DNAJC6: variants seen among roughly 807,000 people sequenced by gnomAD.
DNAJC6 encodes the protein DnaJ heat shock protein family (Hsp40) member C6, also known as auxilin.
DNAJC6 carries 34 observed loss-of-function variants against 110.0 expected under a neutral mutation model. That is an observed-to-expected ratio of 0.31 (90% CI 0.24 to 0.41). DNAJC6 has a LOEUF of 0.41. Among genes scored for constraint, DNAJC6 ranks in the 10% least tolerant of loss-of-function variants. DNAJC6 has a pLI of 1.00. For missense variants in DNAJC6, 1,031 were observed against 1,207.8 expected (o/e 0.85, Z 2.17); for synonymous variants, 406 against 437.2 (o/e 0.93, Z 0.89).
At chr1:65,359,860 C>T (rs541839329) in intron 1 of DNAJC6, among the ~76,000 whole-genome samples, 60 of 152,184 alleles carry the variant, frequency 3.9e-4, no homozygotes, top group Non-Finnish European at 7.5e-4. Context: ...TACTTTACTT[C>T]TGGACATTGA....
At chr1:65,396,180 A>G (rs1181931907) in intron 13 of DNAJC6, among the ~76,000 whole-genome samples, 2 of 152,196 alleles carry the variant, frequency 1.3e-5, no homozygotes, top group Non-Finnish European at 2.9e-5. Flanking sequence ...CCTCAGGACA[A>G]TATACAAGAA....
chr1:65,364,733 T>A lies in DNAJC6; in HGVS notation c.292T>A (p.Leu98Met), dbSNP rs74486665. 2 of 1,612,926 alleles carry A rather than the reference T, an allele frequency of 1.2e-6. No individual in the cohort carries two copies. The highest frequency in any genetic ancestry group is 1.7e-6 in the Non-Finnish European group (2 of 1,179,518). The change falls in exon 2 of 19, where the codon TTG becomes ATG. Residue 98 changes from leucine to methionine, a missense_variant. Physicochemically the swap from Leu to Met is conservative, Grantham distance 15. Transcript: ENST00000371069. Reference sequence around the variant, plus strand: ...GCTCTTTAGTAACCTAAAGGACAACTTGAAAGACACCCTCAAAGACACATC... The same window carrying A: ...GCTCTTTAGTAACCTAAAGGACAACATGAAAGACACCCTCAAAGACACATC... The part of the protein sequence containing the change: ...GRLFSNLKDN[L>M]KDTLKDTSSR...
At chr1:65,362,169 C>T (rs1645604213) in intron 1 of DNAJC6, among the ~76,000 whole-genome samples, 1 of 17,638 alleles carries the variant, frequency 5.7e-5, no homozygotes, top group African/African-American at 1.3e-3. Flanking sequence ...CCTGGGTTCA[C>T]TAGCTTGTAT....
chr1:65,281,116 G>A (rs1300139963), intron 1 of DNAJC6, among the ~76,000 whole-genome samples: 1 of 151,834 alleles, frequency 6.6e-6, no homozygotes, highest in Non-Finnish European at 1.5e-5. Context: ...TAGTAGAGAC[G>A]GGCTTTCACC....
Position 65,340,946 on chromosome 1 carries a change from G to C in DNAJC6, c.194-23689G>C, listed in dbSNP as rs568863638. On this transcript the variant is annotated intron_variant, in intron 1 of 18. Coordinates refer to ENST00000371069, the MANE Select transcript of DNAJC6 (RefSeq NM_001256864.2). ...GCATTTTTTAAAACAGGCACCCCAGGCTATTCTGATGCGTAGCCTGGTACC... is the reference window on the plus strand; with the variant it reads ...GCATTTTTTAAAACAGGCACCCCAGCCTATTCTGATGCGTAGCCTGGTACC... Among the ~76,000 whole-genome samples, 5 of 152,258 alleles carry C rather than the reference G, an allele frequency of 3.3e-5. No homozygotes were observed. In the Middle Eastern group the frequency reaches 0.01, roughly 311 times the overall value.
chr1:65,304,484 A>T (rs887707592), intron 1 of DNAJC6, among the ~76,000 whole-genome samples: 3 of 152,216 alleles, frequency 2.0e-5, no homozygotes, highest in African/African-American at 4.8e-5. Flanking sequence ...TAGCACTTAA[A>T]TGACTATGGT....
intron 1 of DNAJC6, among the ~76,000 whole-genome samples, chr1:65,274,941 A>G (rs1653619446): frequency 6.6e-6 from 1 of 152,026 alleles, no homozygotes; most frequent in Non-Finnish European, 1.5e-5. Flanking sequence ...TGTGCAAGTG[A>G]TTACCCCAGT....
intron 1 of DNAJC6, among the ~76,000 whole-genome samples, chr1:65,345,047 A>G (rs1645424421): frequency 6.6e-6 from 1 of 152,200 alleles, no homozygotes; most frequent in Admixed American, 6.5e-5. Flanking sequence ...TTGTAAATGT[A>G]ACAGACAGTG....
At chr1:65,298,548 C>T (rs1046804554) in intron 1 of DNAJC6, among the ~76,000 whole-genome samples, 37 of 151,428 alleles carry the variant, frequency 2.4e-4, no homozygotes, top group African/African-American at 4.9e-4. Context: ...ATTTGCTTAA[C>T]GGTAGTAGTT....
intron 1 of DNAJC6, among the ~76,000 whole-genome samples, chr1:65,296,347 T>C (rs1644928257): frequency 6.6e-6 from 1 of 152,176 alleles, no homozygotes; most frequent in Non-Finnish European, 1.5e-5. Context: ...AAATGGAAAG[T>C]AGAAGTAAGT....
In DNAJC6 at chr1:65,384,507, A is replaced by G. The variant is rs558446711; in HGVS notation, c.800+181A>G. ...GTAATTTATAAAGAAAAAGAGTTTC[A>G]ATGGATTCACAGTTCCACATGGCTG... On this transcript the variant is annotated intron_variant, in intron 6 of 18. Transcript: ENST00000371069. Among the ~76,000 whole-genome samples the G allele has an allele frequency of 2.0e-5, 3 of 152,362 alleles. No homozygotes were observed. The South Asian group carries it at 6.2e-4, about 32-fold the overall frequency.
At chr1:65,311,213 C>CTTTTTT (rs1278871536) in intron 1 of DNAJC6, among the ~76,000 whole-genome samples, 2 of 69,744 alleles carry the variant, frequency 2.9e-5, no homozygotes, top group African/African-American at 5.5e-5. Context: ...GGTTTCAGGA[C>CTTTTTT]TGTTTTTTTT....
intron 1 of DNAJC6, among the ~76,000 whole-genome samples, chr1:65,355,208 A>G (rs1321320598): frequency 6.8e-6 from 1 of 147,070 alleles, no homozygotes; most frequent in Non-Finnish European, 1.5e-5. Context: ...GGTTGCAGTG[A>G]GCCAAGATTG....
At chr1:65,303,201 ATACT>A (rs1407275176) in intron 1 of DNAJC6, among the ~76,000 whole-genome samples, 11 of 152,216 alleles carry the variant, frequency 7.2e-5, no homozygotes, top group Non-Finnish European at 4.4e-5. Flanking sequence ...CAATTAGCAG[ATACT>A]TACTGAACAC....
At chr1:65,343,861 C>G (rs541550571) in intron 1 of DNAJC6, among the ~76,000 whole-genome samples, 1 of 152,126 alleles carries the variant, frequency 6.6e-6, no homozygotes, top group Admixed American at 6.6e-5. Context: ...GCCATTACAT[C>G]TCAGACGGCA....
chr1:65,302,015 T>C (rs1207518234), intron 1 of DNAJC6, among the ~76,000 whole-genome samples: 2 of 147,068 alleles, frequency 1.4e-5, no homozygotes, highest in Non-Finnish European at 3.0e-5. Context: ...GAGAAAGAGG[T>C]TTTGTTTACT....
rs1645890992 is a variant in DNAJC6 at position 65,388,252 on chromosome 1, T to A, written c.1114-84T>A. 2.1e-5 allele frequency: 25 copies of A among 1,164,260 alleles called. No individual in the cohort carries two copies. In the South Asian group the frequency reaches 3.1e-4, roughly 14 times the overall value. 72.1% of individuals were successfully genotyped at this position (1,164,260 alleles called of 1,614,324 possible). ...ATTCAGATATTGAAACAGTTGAAGG[T>A]GCATGTCTCCCCAAAATCTAATCTT... On this transcript the variant is annotated intron_variant, in intron 8 of 18. Coordinates refer to ENST00000371069, the MANE Select transcript of DNAJC6 (RefSeq NM_001256864.2).
chr1:65,275,063 A>T (rs1653625260), intron 1 of DNAJC6, among the ~76,000 whole-genome samples: 1 of 152,038 alleles, frequency 6.6e-6, no homozygotes, highest in African/African-American at 2.4e-5. Context: ...TTATTATTGT[A>T]TTTTGTTTTA....
chr1:65,276,175 C>G (rs1218398688), intron 1 of DNAJC6, among the ~76,000 whole-genome samples: 1 of 152,188 alleles, frequency 6.6e-6, no homozygotes, highest in Non-Finnish European at 1.5e-5. Context: ...GGCCACCGCG[C>G]CCAGCCTCTA....
Sources: allele counts gnomAD v4.1 joint callset (sites outside exome capture counted in the v4.1 genomes callset), GRCh38; gene constraint gnomAD v4.1.1; transcripts MANE v1.5; gene names NCBI Gene and HGNC (gene_info 2026-07-23, HGNC 2026-07-21).